PTPRR: variants seen among roughly 807,000 people sequenced by gnomAD.
PTPRR encodes the protein protein tyrosine phosphatase receptor type R, also known as receptor-type tyrosine-protein phosphatase R.
Under a neutral mutation model 77.2 loss-of-function variants are expected in PTPRR, and 38 were observed. The ratio of observed to expected loss-of-function variants is 0.49; its 90% CI spans 0.38 to 0.65. PTPRR has a LOEUF of 0.65. PTPRR is among the 30% of genes least tolerant of loss of function. The pLI is 0.00. For synonymous variants in PTPRR, 299 were observed against 283.1 expected, an observed-to-expected ratio of 1.06 and a Z score of -0.57; for missense variants, 744 against 799.2, an observed-to-expected ratio of 0.93 and a Z score of 0.83.
At chr12:70,826,442 C>A (rs1026391976) in intron 2 of PTPRR, among the ~76,000 whole-genome samples, 3 of 152,156 alleles carry the variant, frequency 2.0e-5, no homozygotes, top group African/African-American at 7.2e-5. Flanking sequence ...CTGCTCCCAA[C>A]CCCTTCTGGG....
At chr12:70,843,234 C>T (rs980512804) in intron 2 of PTPRR, among the ~76,000 whole-genome samples, 8 of 152,178 alleles carry the variant, frequency 5.3e-5, no homozygotes, top group Admixed American at 1.3e-4. Flanking sequence ...TTGACTTCTG[C>T]AGTCTCACCA....
At position 70,914,178 on chromosome 12, in the gene PTPRR, A is replaced by G. The variant is rs1893741316; in HGVS notation, c.58+6155T>C. 2.0e-5 allele frequency among the ~76,000 whole-genome samples: 3 copies of G among 152,344 alleles called. No homozygotes were observed. The South Asian group carries it at 6.2e-4, about 32-fold the overall frequency. On this transcript the variant is annotated intron_variant, in intron 1 of 13. Transcript: ENST00000283228. ...TAAGAGAAATAGAACAGTATGTGAA[A>G]TGATTCAAGACATGGCAAACCAAAG... is the stretch of plus-strand genomic sequence containing the variant.
rs192052741 is a variant in PTPRR, at chr12:70,830,952, C to T, written c.357+61727G>A. 2.1e-3 allele frequency among the ~76,000 whole-genome samples: 314 copies of T among 152,314 alleles called. 4 individuals are homozygous for T. Among genetic ancestry groups the T allele is most frequent in the Middle Eastern group, 6.8e-3 (2 of 294 alleles). On this transcript the variant is annotated intron_variant, in intron 2 of 13. Transcript: ENST00000283228. ...GAATATTCAGTACCTAGCACAATGC[C>T]TGACATATACAGTGTTGATAATAGC...
chr12:70,884,129 T>C (rs149513375), intron 2 of PTPRR, among the ~76,000 whole-genome samples: 16 of 152,320 alleles, frequency 1.1e-4, no homozygotes, highest in Admixed American at 3.9e-4. Flanking sequence ...CTAGGGACTT[T>C]TAGCTTTTGT....
intron 2 of PTPRR, among the ~76,000 whole-genome samples, chr12:70,875,711 C>A (rs1893040156): frequency 6.7e-6 from 1 of 148,400 alleles, no homozygotes; most frequent in African/African-American, 2.5e-5. Flanking sequence ...GAACACAAAA[C>A]AATTTTTAAA....
intron 10 of PTPRR, among the ~76,000 whole-genome samples, chr12:70,681,296 G>A (rs1887649389): frequency 6.6e-6 from 1 of 152,200 alleles, no homozygotes; most frequent in Admixed American, 6.6e-5. Flanking sequence ...TCATATAGCT[G>A]CAGCTTGAAT....
At chr12:70,904,460 T>C (rs1161068135) in intron 1 of PTPRR, among the ~76,000 whole-genome samples, 1 of 151,896 alleles carries the variant, frequency 6.6e-6, no homozygotes, top group Non-Finnish European at 1.5e-5. Context: ...AAAAAGTCAC[T>C]GTATTTTTCC....
chr12:70,910,938 G>A (rs1048038517), intron 1 of PTPRR, among the ~76,000 whole-genome samples: 5 of 152,298 alleles, frequency 3.3e-5, no homozygotes, highest in Non-Finnish European at 5.9e-5. Context: ...TGAATTCTGA[G>A]TTTTCTTGTG....
At chr12:70,846,114 T>A (rs1892479187) in intron 2 of PTPRR, among the ~76,000 whole-genome samples, 1 of 152,172 alleles carries the variant, frequency 6.6e-6, no homozygotes, top group South Asian at 2.1e-4. Context: ...CACCAAATAT[T>A]TGAAGAATCT....
chr12:70,904,101 C>T (rs1327885293), intron 1 of PTPRR, among the ~76,000 whole-genome samples: 1 of 151,766 alleles, frequency 6.6e-6, no homozygotes, highest in Admixed American at 6.6e-5. Flanking sequence ...AGTCTCAGAC[C>T]TTGCAGGTGA....
At chr12:70,757,411 A>T (rs1592736954) in intron 4 of PTPRR, among the ~76,000 whole-genome samples, 1 of 152,164 alleles carries the variant, frequency 6.6e-6, no homozygotes, top group African/African-American at 2.4e-5. Flanking sequence ...AAAAACATTT[A>T]ATTTTATTTT....
intron 1 of PTPRR, among the ~76,000 whole-genome samples, chr12:70,915,471 A>G (rs2137140655): frequency 6.6e-6 from 1 of 152,316 alleles, no homozygotes; most frequent in East Asian, 1.9e-4. Context: ...TAAGTACCAA[A>G]GAAGCAAATC....
At chr12:70,651,570 A>C (rs1230516670) in intron 13 of PTPRR, among the ~76,000 whole-genome samples, 1 of 152,112 alleles carries the variant, frequency 6.6e-6, no homozygotes, top group Non-Finnish European at 1.5e-5. Flanking sequence ...TATACTAAAA[A>C]CTGTTTTAAA....
intron 2 of PTPRR, among the ~76,000 whole-genome samples, chr12:70,852,940 A>G (rs1892594189): frequency 6.6e-6 from 1 of 152,122 alleles, no homozygotes; most frequent in Admixed American, 6.6e-5. Context: ...GGGGCTTTCA[A>G]AAGAAGTTCT....
At chr12:70,765,847 G>A (rs146303531) in intron 2 of PTPRR, among the ~76,000 whole-genome samples, 8 of 152,234 alleles carry the variant, frequency 5.3e-5, no homozygotes, top group East Asian at 3.9e-4. Context: ...AGCAGCATTC[G>A]CAGTTCACAA....
intron 2 of PTPRR, among the ~76,000 whole-genome samples, chr12:70,823,108 G>GACACACACACACACACACACAC (rs58549756): frequency 2.1e-5 from 3 of 139,582 alleles, no homozygotes; most frequent in African/African-American, 8.3e-5. Context: ...CTCTCTCTCT[G>GACACACACACACACACACACAC]ACACACACAC....
intron 2 of PTPRR, among the ~76,000 whole-genome samples, chr12:70,860,118 T>C (rs114912029): frequency 6.6e-6 from 1 of 152,064 alleles, no homozygotes; most frequent in South Asian, 2.1e-4. Context: ...GGCAAAAGGA[T>C]ACAGTGACAG....
chr12:70,772,413 A>G (rs988343), intron 2 of PTPRR, among the ~76,000 whole-genome samples: 1 of 152,154 alleles, frequency 6.6e-6, no homozygotes, highest in Admixed American at 6.6e-5. Context: ...TATAGTCTCA[A>G]AAGGAAATAC....
At chr12:70,726,805 C>T (rs1408647810) in intron 6 of PTPRR, among the ~76,000 whole-genome samples, 1 of 152,052 alleles carries the variant, frequency 6.6e-6, no homozygotes, top group Non-Finnish European at 1.5e-5. Flanking sequence ...AGGTCTTGAA[C>T]ACCTGGCCTC....
Sources: allele counts gnomAD v4.1 joint callset (sites outside exome capture counted in the v4.1 genomes callset), GRCh38; gene constraint gnomAD v4.1.1; transcripts MANE v1.5; gene names NCBI Gene and HGNC (gene_info 2026-07-23, HGNC 2026-07-21).